The following EXT1 variants were observed in gnomAD, a reference collection of about 807,000 sequenced individuals.
The protein encoded by EXT1 is exostosin-1.
EXT1 carries 20 observed loss-of-function variants against 82.5 expected under a neutral mutation model. The observed-to-expected ratio is 0.24, with a 90% CI of 0.17 to 0.35. The LOEUF is 0.35. Among genes scored for constraint, EXT1 ranks in the 10% least tolerant of loss-of-function variants. EXT1 has a pLI of 1.00. For synonymous variants in EXT1, 348 were observed against 350.8 expected (o/e 0.99, Z 0.09); for missense variants, 757 against 936.5 (o/e 0.81, Z 2.50).
At chr8:117,888,168 TA>T (rs1487222487) in intron 1 of EXT1, among the ~76,000 whole-genome samples, 1 of 151,676 alleles carries the variant, frequency 6.6e-6, no homozygotes, top group Non-Finnish European at 1.5e-5. Flanking sequence ...AAGAACATAG[TA>T]AAAGCAAAAA....
At chr8:117,926,693 A>T (rs1813958738) in intron 1 of EXT1, among the ~76,000 whole-genome samples, 1 of 152,210 alleles carries the variant, frequency 6.6e-6, no homozygotes, top group South Asian at 2.1e-4. Context: ...AAACAGGATA[A>T]GGAAAAGCAA....
intron 1 of EXT1, among the ~76,000 whole-genome samples, chr8:118,072,640 G>C (rs1396758293): frequency 6.6e-6 from 1 of 152,192 alleles, no homozygotes; most frequent in Non-Finnish European, 1.5e-5. Flanking sequence ...GTGGAAATTG[G>C]TTGATTCTGG....
intron 1 of EXT1, among the ~76,000 whole-genome samples, chr8:118,016,486 G>T (rs1043054647): frequency 1.3e-5 from 2 of 152,254 alleles, no homozygotes; most frequent in African/African-American, 4.8e-5. Context: ...GGGCCAGAGG[G>T]CATGGGATCC....
chr8:117,862,503 T>C (rs1261254883), intron 1 of EXT1, among the ~76,000 whole-genome samples: 1 of 145,756 alleles, frequency 6.9e-6, no homozygotes, highest in African/African-American at 2.4e-5. Flanking sequence ...AGAAATATAT[T>C]GAATCCACTC....
chr8:117,969,079 T>C (rs1383113933), intron 1 of EXT1, among the ~76,000 whole-genome samples: 1 of 152,088 alleles, frequency 6.6e-6, no homozygotes, highest in Non-Finnish European at 1.5e-5. Context: ...ATGAAATAAT[T>C]AGGGAAAAAA....
At position 117,862,397 on chromosome 8, in the gene EXT1, T is replaced by C. The variant is rs1026791487; in HGVS notation, c.963-25196A>G. 1.4e-5 allele frequency among the ~76,000 whole-genome samples: 2 copies of C among 146,052 alleles called. 1 individual carries two copies. The highest frequency in any genetic ancestry group is 3.1e-5 in the Non-Finnish European group (2 of 64,934). Reference sequence around the variant, plus strand: ...CATCTCTAAAAGAAGTATTTGATTATTTCCTTAACTTCTCTTTCATTCCTA... The same window carrying C: ...CATCTCTAAAAGAAGTATTTGATTACTTCCTTAACTTCTCTTTCATTCCTA... On this transcript the variant is annotated intron_variant, in intron 1 of 10. Transcript: ENST00000378204.
chr8:117,807,697 A>G (rs112888004), intron 8 of EXT1, among the ~76,000 whole-genome samples: 29 of 152,268 alleles, frequency 1.9e-4, no homozygotes, highest in South Asian at 6.2e-4. Context: ...CCTTCCTCAA[A>G]GGTGCACGTG....
intron 1 of EXT1, among the ~76,000 whole-genome samples, chr8:117,980,813 CCT>C (rs1187832306): frequency 6.7e-6 from 1 of 149,510 alleles, no homozygotes; most frequent in Non-Finnish European, 1.5e-5. Flanking sequence ...AGGCTGCTGT[CCT>C]CTCTCTTGTA....
chr8:117,800,325 C>A (rs950414771), intron 10 of EXT1, among the ~76,000 whole-genome samples: 1 of 152,208 alleles, frequency 6.6e-6, no homozygotes, highest in Admixed American at 6.5e-5. Flanking sequence ...GAAATACCCA[C>A]CAACTTTTAG....
At chr8:117,971,145 C>T (rs982063500) in intron 1 of EXT1, among the ~76,000 whole-genome samples, 4 of 152,100 alleles carry the variant, frequency 2.6e-5, no homozygotes, top group African/African-American at 4.8e-5. Flanking sequence ...CTCAGCTTCC[C>T]GAAAGAGCAA....
At chr8:118,022,625 A>G (rs1159005262) in intron 1 of EXT1, among the ~76,000 whole-genome samples, 5 of 150,892 alleles carry the variant, frequency 3.3e-5, no homozygotes, top group African/African-American at 1.2e-4. Context: ...GGCATGAGCC[A>G]CCACGCCTGG....
At chr8:117,994,500 A>G (rs1399390110) in intron 1 of EXT1, among the ~76,000 whole-genome samples, 2 of 152,192 alleles carry the variant, frequency 1.3e-5, no homozygotes, top group African/African-American at 4.8e-5. Context: ...AGTCCCAGCT[A>G]CTAGGGAGAG....
At chr8:118,011,753 G>C (rs542380572) in intron 1 of EXT1, among the ~76,000 whole-genome samples, 1 of 152,098 alleles carries the variant, frequency 6.6e-6, no homozygotes, top group African/African-American at 2.4e-5. Context: ...TCCCAAGATC[G>C]GGCTCCCCTG....
Position 118,099,878 on chromosome 8 carries a change from A to G in EXT1, c.962+10207T>C, listed in dbSNP as rs1409057526. ...TCAAATATGTGCATGCCAACAGGAT[A>G]TGGCTTCAACAGCGCCTGCCACAGC... is the stretch of plus-strand genomic sequence containing the variant. On this transcript the variant is annotated intron_variant, in intron 1 of 10. Transcript: ENST00000378204. 2.6e-5 allele frequency among the ~76,000 whole-genome samples: 4 copies of G among 152,168 alleles called. No individual in the cohort carries two copies. The South Asian group carries it at 8.3e-4, about 32-fold the overall frequency.
intron 7 of EXT1, among the ~76,000 whole-genome samples, chr8:117,813,542 C>G (rs1823369434): frequency 6.6e-6 from 1 of 152,136 alleles, no homozygotes; most frequent in Admixed American, 6.5e-5. Flanking sequence ...ACGGGGAGAG[C>G]AGATCACTGT....
At chr8:118,044,961 T>C in intron 1 of EXT1, among the ~76,000 whole-genome samples, 1 of 152,246 alleles carries the variant, frequency 6.6e-6, no homozygotes, top group Non-Finnish European at 1.5e-5. Flanking sequence ...ATTTACTATC[T>C]GGCGCTTCAC....
At chr8:117,814,792 G>A (rs1489653467) in intron 7 of EXT1, among the ~76,000 whole-genome samples, 12 of 152,080 alleles carry the variant, frequency 7.9e-5, no homozygotes, top group Admixed American at 2.6e-4. Context: ...GGAAAAGGGA[G>A]GTACCTAGCC....
chr8:117,859,870 G>A, intron 1 of EXT1, among the ~76,000 whole-genome samples: 1 of 152,164 alleles, frequency 6.6e-6, no homozygotes, highest in African/African-American at 2.4e-5. Context: ...AATGAGGCTG[G>A]GCACAGTGGC....
At chr8:117,894,723 C>T (rs1813305813) in intron 1 of EXT1, among the ~76,000 whole-genome samples, 1 of 152,178 alleles carries the variant, frequency 6.6e-6, no homozygotes, top group Non-Finnish European at 1.5e-5. Context: ...AGTGTAAGTG[C>T]CTCTTCCCAA....
Sources: gnomAD v4.1 joint callset for allele counts (sites outside exome capture counted in the v4.1 genomes callset) on GRCh38, gnomAD v4.1.1 for gene constraint, MANE v1.5 for transcripts, NCBI Gene and HGNC (gene_info 2026-07-23, HGNC 2026-07-21) for gene names.